The following BRSK2 variants were observed in gnomAD, a reference collection of about 807,000 sequenced individuals.
BRSK2 encodes serine/threonine-protein kinase BRSK2.
Under a neutral mutation model 83.3 loss-of-function variants are expected in BRSK2, and 19 were observed. That is an observed-to-expected ratio of 0.23 (90% CI 0.16 to 0.33). The LOEUF (loss-of-function observed/expected upper bound fraction) is 0.33, where lower values mean the gene tolerates loss of function less well. Among genes scored for constraint, BRSK2 ranks in the 10% least tolerant of loss-of-function variants. BRSK2 has a pLI of 1.00. For missense variants in BRSK2, 798 were observed against 1,042.3 expected, an observed-to-expected ratio of 0.77 and a Z score of 3.23; for synonymous variants, 519 against 435.4, an observed-to-expected ratio of 1.19 and a Z score of -2.39.
At chr11:1,434,573 G>A (rs1297802304) in intron 1 of BRSK2, among the ~76,000 whole-genome samples, 1 of 145,710 alleles carries the variant, frequency 6.9e-6, no homozygotes, top group Non-Finnish European at 1.5e-5. Context: ...GGCTCTGGGT[G>A]TCTGGGGGCA....
intron 18 of BRSK2, among the ~76,000 whole-genome samples, chr11:1,457,623 G>A (rs751742046): frequency 2.6e-5 from 4 of 152,150 alleles, no homozygotes; most frequent in African/African-American, 7.2e-5. Flanking sequence ...GCTGGGCGTC[G>A]TGGGGGAGCA....
At position 1,444,807 on chromosome 11, in the gene BRSK2, G is replaced by A. The variant is rs140685495; in HGVS notation, c.781-164G>A. Among the ~76,000 whole-genome samples, 30 of 151,908 alleles carry A rather than the reference G, an allele frequency of 2.0e-4. No individual in the cohort carries two copies. In the East Asian group the frequency reaches 5.5e-3, roughly 28 times the overall value. ...GTGCTGGCCTTGAGCCTCTGGGAAC[G>A]CAGCCCCCTCCCTATCTTCCTCCCC... On this transcript the variant is annotated intron_variant, in intron 8 of 19. Coordinates refer to ENST00000528841, the MANE Select transcript of BRSK2 (RefSeq NM_001256627.2).
chr11:1,457,130 C>T (rs1332036235), intron 18 of BRSK2: 12 of 1,253,520 alleles, frequency 9.6e-6, no homozygotes, highest in African/African-American at 1.5e-5. Flanking sequence ...TGAGCAGGGC[C>T]CTCCATGCCC....
intron 19 of BRSK2, among the ~76,000 whole-genome samples, chr11:1,459,699 G>T (rs1479480628): frequency 3.9e-5 from 6 of 152,168 alleles, no homozygotes; most frequent in Non-Finnish European, 4.4e-5. Context: ...CCTGGGCAGT[G>T]AGCACAGGGC....
chr11:1,443,213 C>T, intron 6 of BRSK2, 74 bp downstream of exon 6: 1 of 1,520,016 alleles, frequency 6.6e-7, no homozygotes, highest in Non-Finnish European at 8.8e-7. Context: ...GGACCCCAGC[C>T]TGCCGCACCC....
chr11:1,391,929 G>A (rs1002203579), intron 1 of BRSK2, among the ~76,000 whole-genome samples: 26 of 152,244 alleles, frequency 1.7e-4, no homozygotes, highest in African/African-American at 5.8e-4. Flanking sequence ...AGTTAATTAC[G>A]GGAGGTTTCC....
chr11:1,404,478 C>T (rs1229920922), intron 1 of BRSK2, among the ~76,000 whole-genome samples: 2 of 152,220 alleles, frequency 1.3e-5, no homozygotes, highest in Non-Finnish European at 2.9e-5. Context: ...CTGTCTTCCC[C>T]TCCGTCCCTG....
chr11:1,462,085 C>G lies in BRSK2; in HGVS notation c.*1362C>G, dbSNP rs1312049196. 1 of 152,152 alleles carries G rather than the reference C, an allele frequency of 6.6e-6. No individual in the cohort carries two copies. Among genetic ancestry groups the G allele is most frequent in the East Asian group, 1.9e-4 (1 of 5,188 alleles). The allele number at this position is 152,152 out of a possible 1,614,324, so 9.4% of individuals were successfully genotyped here. A position where few individuals can be genotyped will look rare whatever the true frequency, so the allele number is the denominator to read the frequency against. On this transcript the variant is annotated 3_prime_UTR_variant, in exon 20 of 20. Coordinates refer to ENST00000528841, the MANE Select transcript of BRSK2 (RefSeq NM_001256627.2). ...ACGGCAGGGGCACTGTGAGGCTTTT[C>G]TTATTAAAATGAAAAAATTGAAAAA...
chr11:1,456,811 C>T, intron 18 of BRSK2, 124 bp downstream of exon 18: 1 of 1,308,870 alleles, frequency 7.6e-7, no homozygotes, highest in Non-Finnish European at 1.1e-6. Context: ...CGGACGCCCC[C>T]ACCTCCCTGC....
At position 1,413,809 on chromosome 11, in the gene BRSK2, T is replaced by C. The variant is rs541542205; in HGVS notation, c.92-22231T>C. Among the ~76,000 whole-genome samples, 7 of 152,262 alleles carry C rather than the reference T, an allele frequency of 4.6e-5. No individual in the cohort carries two copies. The South Asian group carries it at 1.2e-3, about 27-fold the overall frequency. ...CTCCTGCCATCTCTGGGGGCATCAG[T>C]GGCCCCAGAGCCAAGGAGCAGCCCC... On this transcript the variant is annotated intron_variant, in intron 1 of 19. Coordinates refer to ENST00000528841, the MANE Select transcript of BRSK2 (RefSeq NM_001256627.2).
chr11:1,455,885 C>T (rs1435949347), intron 16 of BRSK2, among the ~76,000 whole-genome samples: 1 of 152,044 alleles, frequency 6.6e-6, no homozygotes, highest in Non-Finnish European at 1.5e-5. Context: ...CACCATAGGT[C>T]CCGCAACCAG....
chr11:1,393,891 G>A (rs990507196), intron 1 of BRSK2, among the ~76,000 whole-genome samples: 8 of 150,766 alleles, frequency 5.3e-5, no homozygotes, highest in African/African-American at 2.0e-4. Flanking sequence ...CTGGAGATGG[G>A]TCCTGGAGAT....
rs761280689 is a variant in BRSK2 at position 1,460,467 on chromosome 11, T to C, written c.1988-33T>C. 9.4e-3 allele frequency: 11,540 copies of C among 1,232,038 alleles called. 101 individuals carry two copies. The highest frequency in any genetic ancestry group is 0.011 in the Non-Finnish European group (10,554 of 978,042). 76.3% of individuals were successfully genotyped at this position (1,232,038 alleles called of 1,614,324 possible). A position where few individuals can be genotyped will look rare whatever the true frequency, so the allele number is the denominator to read the frequency against. The stretch of plus-strand genomic sequence containing the variant: ...CCCTTTTTTTTCTTTTTTCCTTTTT[T>C]TTTTTTTTTTTGTCTCTGTTCTGTG... On this transcript the variant is annotated intron_variant, in intron 19 of 19. Coordinates refer to ENST00000528841, the MANE Select transcript of BRSK2 (RefSeq NM_001256627.2).
intron 1 of BRSK2, among the ~76,000 whole-genome samples, chr11:1,396,168 G>A (rs7118115): frequency 0.061 from 8,894 of 145,924 alleles, 474 homozygotes; most frequent in Middle Eastern, 0.15. Flanking sequence ...GGACCCCTGC[G>A]TCCCCCGCTC....
Position 1,460,461 on chromosome 11 carries a change from CTTTTTTTT to C in BRSK2, c.1988-29_1988-22del, listed in dbSNP as rs398015179. On this transcript the variant is annotated intron_variant, in intron 19 of 19. Coordinates refer to ENST00000528841, the MANE Select transcript of BRSK2 (RefSeq NM_001256627.2). ...CTCTCCCCCTTTTTTTTCTTTTTTC[CTTTTTTTT>C]TTTTTTTTTGTCTCTGTTCTGTGTA... is the stretch of plus-strand genomic sequence containing the variant. 6.1e-3 allele frequency: 3,325 copies of C among 544,466 alleles called. 94 individuals carry two copies. The African/African-American group carries it at 0.11, about 19-fold the overall frequency. The allele number at this position is 544,466 out of a possible 1,614,324, so 33.7% of individuals were successfully genotyped here.
At chr11:1,458,944 G>GC (rs1847021844) in intron 18 of BRSK2, among the ~76,000 whole-genome samples, 1 of 152,154 alleles carries the variant, frequency 6.6e-6, no homozygotes, top group African/African-American at 2.4e-5. Flanking sequence ...TCCGGCTGCT[G>GC]CCCAGGTGGC....
intron 1 of BRSK2, among the ~76,000 whole-genome samples, chr11:1,421,255 G>A (rs1212351082): frequency 1.3e-5 from 2 of 152,180 alleles, no homozygotes; most frequent in Non-Finnish European, 2.9e-5. Context: ...AGGCACGTCT[G>A]GGGTCACACC....
At chr11:1,426,887 C>T (rs1266937520) in intron 1 of BRSK2, among the ~76,000 whole-genome samples, 1 of 152,128 alleles carries the variant, frequency 6.6e-6, no homozygotes, top group African/African-American at 2.4e-5. Context: ...AACGGGACCA[C>T]TCCGCCTGGT....
chr11:1,417,100 G>A (rs1416123249), intron 1 of BRSK2, among the ~76,000 whole-genome samples: 2 of 152,212 alleles, frequency 1.3e-5, no homozygotes, highest in East Asian at 1.9e-4. Flanking sequence ...TGGAGTTTGC[G>A]GTGAGCTGAG....
Sources: allele counts gnomAD v4.1 joint callset (sites outside exome capture counted in the v4.1 genomes callset), GRCh38; gene constraint gnomAD v4.1.1; transcripts MANE v1.5; gene names NCBI Gene and HGNC (gene_info 2026-07-23, HGNC 2026-07-21).